The following SMPX variants were observed in gnomAD, a reference collection of about 807,000 sequenced individuals.
The protein encoded by SMPX is small muscular protein.
In SMPX, 2 loss-of-function variants were observed where a neutral mutation model predicts 6.3. The ratio of observed to expected loss-of-function variants is 0.32; its 90% CI spans 0.13 to 0.99. SMPX has a LOEUF of 0.99. Ranked by LOEUF, SMPX falls within the 50% of genes least tolerant of loss-of-function variation. The pLI, the probability that SMPX is intolerant of heterozygous loss-of-function variation, is 0.49. For missense variants in SMPX, 60 were observed against 66.8 expected (o/e 0.90, Z 0.36); for synonymous variants, 32 against 24.7 (o/e 1.30, Z -0.88).
At chrX:21,723,013 A>C (rs1039516340) in intron 4 of SMPX, among the ~76,000 whole-genome samples, 1 of 111,825 alleles carries the variant, frequency 8.9e-6, no homozygotes, top group African/African-American at 3.2e-5. Context: ...CAAGCTTCTC[A>C]CTGTACTTTT....
At chrX:21,724,653 C>T (rs1297737335) in intron 4 of SMPX, among the ~76,000 whole-genome samples, 1 of 111,948 alleles carries the variant, frequency 8.9e-6, no homozygotes, top group Admixed American at 9.4e-5. Context: ...CATGGTGATC[C>T]TACTTTTCTG....
intron 4 of SMPX, among the ~76,000 whole-genome samples, chrX:21,733,317 A>T (rs1204529299): frequency 8.9e-6 from 1 of 112,165 alleles, no homozygotes; most frequent in Non-Finnish European, 1.9e-5. Flanking sequence ...TGACCTCAAA[A>T]GACTTCTCGA....
chrX:21,721,233 G>C (rs767335457), intron 4 of SMPX, among the ~76,000 whole-genome samples: 67 of 111,695 alleles, frequency 6.0e-4, no homozygotes, highest in Non-Finnish European at 9.4e-4. Flanking sequence ...ACCCTGACAA[G>C]ACAGCACATT....
chrX:21,714,257 A>T (rs2092781858), intron 4 of SMPX, among the ~76,000 whole-genome samples: 1 of 112,024 alleles, frequency 8.9e-6, no homozygotes. Flanking sequence ...ATATACAAAT[A>T]TATAGTGTGT....
chrX:21,711,274 C>A (rs1232877926), intron 4 of SMPX, among the ~76,000 whole-genome samples: 1 of 111,528 alleles, frequency 9.0e-6, no homozygotes, highest in African/African-American at 3.3e-5. Context: ...TAAAATTGCC[C>A]ACTCTGTAAA....
chrX:21,756,207 A>G (rs1240807814), intron 1 of SMPX, among the ~76,000 whole-genome samples: 1 of 112,688 alleles, frequency 8.9e-6, no homozygotes, highest in Non-Finnish European at 1.9e-5. Flanking sequence ...TTGTACATCA[A>G]TTTGAAACAG....
chrX:21,720,364 G>T (rs1200611378), intron 4 of SMPX, among the ~76,000 whole-genome samples: 2 of 112,098 alleles, frequency 1.8e-5, no homozygotes. Flanking sequence ...TGATGTGAGT[G>T]AGCCATCCTG....
intron 4 of SMPX, among the ~76,000 whole-genome samples, chrX:21,719,515 C>CAA (rs371629683): frequency 1.2e-5 from 1 of 81,514 alleles, no homozygotes; most frequent in African/African-American, 4.5e-5. Context: ...GAGATTCCAT[C>CAA]AAAAAAAAAA....
chrX:21,736,106 A>G (rs748405640), intron 4 of SMPX, among the ~76,000 whole-genome samples: 1 of 112,021 alleles, frequency 8.9e-6, no homozygotes, highest in Non-Finnish European at 1.9e-5. Flanking sequence ...TTTTATTTTA[A>G]CTCAAAACGG....
At chrX:21,714,059 A>G (rs904224278) in intron 4 of SMPX, among the ~76,000 whole-genome samples, 1 of 112,033 alleles carries the variant, frequency 8.9e-6, no homozygotes, top group South Asian at 3.8e-4. Flanking sequence ...ATAAACCAAC[A>G]AATCCACAGG....
At chrX:21,752,440 C>A (rs891574996) in intron 2 of SMPX, among the ~76,000 whole-genome samples, 3 of 111,673 alleles carry the variant, frequency 2.7e-5, no homozygotes, top group African/African-American at 9.8e-5. Flanking sequence ...ATAAAGTATT[C>A]CTGAATGATA....
intron 4 of SMPX, among the ~76,000 whole-genome samples, chrX:21,724,432 A>G (rs1329658815): frequency 2.7e-5 from 3 of 112,823 alleles, no homozygotes; most frequent in Non-Finnish European, 5.6e-5. Flanking sequence ...TTTTAAAATT[A>G]AACAAGAAAA....
intron 3 of SMPX, among the ~76,000 whole-genome samples, chrX:21,738,087 G>A (rs756392746): frequency 2.8e-4 from 32 of 112,616 alleles, no homozygotes; most frequent in Non-Finnish European, 5.4e-4. Flanking sequence ...TTTGTACAAT[G>A]TTAGAGCATG....
chrX:21,741,306 T>C (rs896644879), intron 3 of SMPX, among the ~76,000 whole-genome samples: 1 of 112,483 alleles, frequency 8.9e-6, no homozygotes, highest in Non-Finnish European at 1.9e-5. Context: ...ATGATCTCTA[T>C]ACAGTAATTA....
chrX:21,724,415 TACG>T (rs956985898), intron 4 of SMPX, among the ~76,000 whole-genome samples: 1 of 112,707 alleles, frequency 8.9e-6, no homozygotes, highest in Non-Finnish European at 1.9e-5. Flanking sequence ...AAGATTACAG[TACG>T]ACTTTTTAAA....
intron 4 of SMPX, among the ~76,000 whole-genome samples, chrX:21,710,813 G>C (rs1441382528): frequency 1.8e-5 from 2 of 111,747 alleles, no homozygotes; most frequent in East Asian, 5.6e-4. Context: ...GATGGTGGCA[G>C]TACCAGTTTT....
intron 1 of SMPX, among the ~76,000 whole-genome samples, chrX:21,755,782 A>C (rs1188583133): frequency 8.9e-6 from 1 of 112,423 alleles, no homozygotes; most frequent in Non-Finnish European, 1.9e-5. Flanking sequence ...CATGAAAACA[A>C]TAGGACTCTT....
intron 3 of SMPX, among the ~76,000 whole-genome samples, chrX:21,740,997 A>G (rs2092815425): frequency 8.9e-6 from 1 of 112,499 alleles, no homozygotes; most frequent in African/African-American, 3.2e-5. Context: ...GTTTATTAAC[A>G]TTTGGCTGTA....
intron 4 of SMPX, among the ~76,000 whole-genome samples, chrX:21,724,492 C>G (rs1377568500): frequency 8.9e-6 from 1 of 112,227 alleles, no homozygotes; most frequent in Non-Finnish European, 1.9e-5. Context: ...TGAAATATAT[C>G]TATAGATAGA....
Sources: gnomAD v4.1 joint callset for allele counts (sites outside exome capture counted in the v4.1 genomes callset) on GRCh38, gnomAD v4.1.1 for gene constraint, MANE v1.5 for transcripts, NCBI Gene and HGNC (gene_info 2026-07-23, HGNC 2026-07-21) for gene names.